The following CLSTN2 variants were observed in gnomAD, a reference collection of about 807,000 sequenced individuals.
CLSTN2 encodes calsyntenin 2.
A neutral mutation model predicts 101.2 loss-of-function variants in CLSTN2; 48 were observed. The ratio of observed to expected loss-of-function variants is 0.47; its 90% CI spans 0.38 to 0.60. The LOEUF (loss-of-function observed/expected upper bound fraction) is 0.60. CLSTN2 is among the 20% of genes least tolerant of loss of function. CLSTN2 has a pLI of 0.00. For missense variants in CLSTN2, 1,160 were observed against 1,238.2 expected, an observed-to-expected ratio of 0.94 and a Z score of 0.95; for synonymous variants, 481 against 463.6, an observed-to-expected ratio of 1.04 and a Z score of -0.48.
At chr3:140,444,360 G>A (rs902570233) in intron 5 of CLSTN2, among the ~76,000 whole-genome samples, 2 of 152,012 alleles carry the variant, frequency 1.3e-5, no homozygotes, top group African/African-American at 2.4e-5. Flanking sequence ...AACCCAAGAG[G>A]TGGAGGTTAC....
At chr3:140,389,165 T>C (rs1022517282) in intron 2 of CLSTN2, among the ~76,000 whole-genome samples, 3 of 152,084 alleles carry the variant, frequency 2.0e-5, no homozygotes, top group Non-Finnish European at 2.9e-5. Context: ...CTGGGATACA[T>C]GTGCAGGAAG....
chr3:139,999,829 C>T (rs1200146147), intron 1 of CLSTN2, among the ~76,000 whole-genome samples: 1 of 151,998 alleles, frequency 6.6e-6, no homozygotes, highest in Non-Finnish European at 1.5e-5. Context: ...GTGGCATGTA[C>T]CTCTAGTCCC....
intron 1 of CLSTN2, among the ~76,000 whole-genome samples, chr3:140,050,376 G>A (rs2007968688): frequency 1.3e-5 from 2 of 152,128 alleles, no homozygotes; most frequent in African/African-American, 2.4e-5. Context: ...CTACACACAC[G>A]GCAATTTCAC....
At chr3:140,420,377 C>T (rs2088488155) in intron 4 of CLSTN2, among the ~76,000 whole-genome samples, 1 of 151,272 alleles carries the variant, frequency 6.6e-6, no homozygotes, top group African/African-American at 2.4e-5. Context: ...GTATTAAATT[C>T]ACTTTAGGTC....
At chr3:140,245,804 A>G (rs2086510902) in intron 2 of CLSTN2, among the ~76,000 whole-genome samples, 1 of 152,196 alleles carries the variant, frequency 6.6e-6, no homozygotes, top group South Asian at 2.1e-4. Flanking sequence ...AGTCTTCCTG[A>G]CTTCAGGGAC....
At chr3:140,179,564 T>C (rs997407439) in intron 2 of CLSTN2, among the ~76,000 whole-genome samples, 1 of 132,260 alleles carries the variant, frequency 7.6e-6, no homozygotes, top group Non-Finnish European at 1.5e-5. Flanking sequence ...TCCTAGGAAG[T>C]TGAGGCTGCA....
rs528545932 is a variant in CLSTN2 at position 140,541,146 on chromosome 3, G to C, written c.1508-5369G>C. Among the ~76,000 whole-genome samples the C allele has an allele frequency of 1.8e-4, 27 of 152,230 alleles. 1 individual carries two copies. In the South Asian group the frequency reaches 5.6e-3, roughly 32 times the overall value. On this transcript the variant is annotated intron_variant, in intron 9 of 16. Transcript: ENST00000458420. ...CTTCCAAGCCACATCTCATTGTCTG[G>C]CATGTAGGCCAAAGGCTTGGAAGCA...
At chr3:140,060,999 C>T (rs931504794) in intron 1 of CLSTN2, among the ~76,000 whole-genome samples, 2 of 152,098 alleles carry the variant, frequency 1.3e-5, no homozygotes, top group South Asian at 2.1e-4. Context: ...AGGGTCAGAG[C>T]GCTGGCAGAG....
intron 2 of CLSTN2, among the ~76,000 whole-genome samples, chr3:140,229,794 T>G (rs2086354779): frequency 6.6e-6 from 1 of 152,050 alleles, no homozygotes; most frequent in Non-Finnish European, 1.5e-5. Flanking sequence ...TAAAGGCAAA[T>G]GAAGCTCCTG....
At chr3:140,424,468 G>A (rs2088542427) in intron 5 of CLSTN2, among the ~76,000 whole-genome samples, 1 of 152,136 alleles carries the variant, frequency 6.6e-6, no homozygotes, top group African/African-American at 2.4e-5. Flanking sequence ...CTCATCTTGG[G>A]GCCTATTCTC....
intron 8 of CLSTN2, among the ~76,000 whole-genome samples, chr3:140,518,897 C>T (rs1024209931): frequency 9.2e-5 from 14 of 152,272 alleles, no homozygotes; most frequent in East Asian, 3.9e-4. Context: ...AGTTTGTTTG[C>T]TCCTGGTTCT....
At chr3:140,154,591 G>A (rs951837675) in intron 1 of CLSTN2, among the ~76,000 whole-genome samples, 15 of 148,974 alleles carry the variant, frequency 1.0e-4, no homozygotes, top group Admixed American at 3.4e-4. Flanking sequence ...AAGAGGAAGC[G>A]AAACACGTCT....
intron 1 of CLSTN2, among the ~76,000 whole-genome samples, chr3:140,106,822 G>A (rs1409765281): frequency 6.6e-6 from 1 of 152,260 alleles, no homozygotes; most frequent in African/African-American, 2.4e-5. Flanking sequence ...AATTATAAAA[G>A]CATGCTAATT....
intron 1 of CLSTN2, among the ~76,000 whole-genome samples, chr3:140,098,657 T>C (rs1424563089): frequency 6.6e-6 from 1 of 152,234 alleles, no homozygotes; most frequent in East Asian, 1.9e-4. Flanking sequence ...AATTACTAAA[T>C]ACTCAAACAT....
At chr3:140,150,183 A>G (rs2009840443) in intron 1 of CLSTN2, among the ~76,000 whole-genome samples, 1 of 152,210 alleles carries the variant, frequency 6.6e-6, no homozygotes, top group African/African-American at 2.4e-5. Context: ...CTTGTGGTCT[A>G]TTGTGTGCCC....
At chr3:140,259,931 A>T (rs894101786) in intron 2 of CLSTN2, among the ~76,000 whole-genome samples, 1 of 151,924 alleles carries the variant, frequency 6.6e-6, no homozygotes, top group African/African-American at 2.4e-5. Flanking sequence ...AATATCTTTT[A>T]CCCAAACAGG....
At chr3:140,516,669 G>C (rs1934923836) in intron 8 of CLSTN2, among the ~76,000 whole-genome samples, 1 of 151,958 alleles carries the variant, frequency 6.6e-6, no homozygotes, top group African/African-American at 2.4e-5. Context: ...CTACAGATAG[G>C]GCCCCAATCC....
chr3:140,160,275 T>C (rs539022668), intron 1 of CLSTN2, among the ~76,000 whole-genome samples: 1 of 152,290 alleles, frequency 6.6e-6, no homozygotes, highest in Non-Finnish European at 1.5e-5. Context: ...ATACAGAACA[T>C]TCAATAAAAC....
intron 1 of CLSTN2, among the ~76,000 whole-genome samples, chr3:139,984,783 T>A (rs142022333): frequency 8.5e-4 from 130 of 152,312 alleles, no homozygotes; most frequent in African/African-American, 3.0e-3. Context: ...CCAAAAGTTA[T>A]ACCTCTAACT....
Sources: allele counts gnomAD v4.1 joint callset (sites outside exome capture counted in the v4.1 genomes callset), GRCh38; gene constraint gnomAD v4.1.1; transcripts MANE v1.5; gene names NCBI Gene and HGNC (gene_info 2026-07-23, HGNC 2026-07-21).